The following RAPGEF4 variants were observed in gnomAD, a reference collection of about 807,000 sequenced individuals.
RAPGEF4 encodes RAP guanine-nucleotide-exchange factor (GEF) 4.
A neutral mutation model predicts 147.9 loss-of-function variants in RAPGEF4; 66 were observed. That is an observed-to-expected ratio of 0.45 (90% CI 0.37 to 0.55). RAPGEF4 has a LOEUF of 0.55. RAPGEF4 is among the 20% of genes least tolerant of loss of function. The pLI, the probability that RAPGEF4 is intolerant of heterozygous loss-of-function variation, is 0.00. For missense variants in RAPGEF4, 1,071 were observed against 1,257.3 expected (o/e 0.85, Z 2.24); for synonymous variants, 419 against 442.7 (o/e 0.95, Z 0.67).
intron 4 of RAPGEF4, among the ~76,000 whole-genome samples, chr2:172,822,435 A>G (rs552161710): frequency 6.6e-6 from 1 of 152,290 alleles, no homozygotes; most frequent in East Asian, 1.9e-4. Flanking sequence ...TAGCTCTCAG[A>G]CTCAATGAAG....
At chr2:173,037,482 A>G (rs989530957) in intron 29 of RAPGEF4, among the ~76,000 whole-genome samples, 2 of 152,208 alleles carry the variant, frequency 1.3e-5, no homozygotes, top group African/African-American at 4.8e-5. Flanking sequence ...GGGGGAAAGC[A>G]AGGTTATCTG....
rs10678095 is a variant in RAPGEF4, at chr2:172,902,295, CTTTATTTA to C, written c.445-15487_445-15480del. ...TGGAGCCCATGTCTGCCTGGATCTTCTTTATTTATTTATTTATTTATTTATTTGAGACA... is the reference window on the plus strand; with the variant it reads ...TGGAGCCCATGTCTGCCTGGATCTTCTTTATTTATTTATTTATTTGAGACA... On this transcript the variant is annotated intron_variant, in intron 4 of 30. Coordinates refer to ENST00000397081, the MANE Select transcript of RAPGEF4 (RefSeq NM_007023.4). 5.7e-4 allele frequency among the ~76,000 whole-genome samples: 84 copies of C among 148,442 alleles called. 1 individual carries two copies. The East Asian group carries it at 0.012, about 21-fold the overall frequency.
rs745492758 is a variant in RAPGEF4, at chr2:173,033,972, A to G, written c.2700+8A>G. 2 of 1,609,784 alleles carry G rather than the reference A, an allele frequency of 1.2e-6. No homozygotes were observed. The highest frequency in any genetic ancestry group is 1.7e-6 in the Non-Finnish European group (2 of 1,178,166). On this transcript the variant is annotated splice_region_variant and intron_variant, in intron 27 of 30. Transcript: ENST00000397081. The stretch of plus-strand genomic sequence containing the variant: ...GAGTTTGAAAGTTTAATGGTAAGTG[A>G]CAGTGGCTTCTTTATTCTGTTCACT...
chr2:172,939,000 T>A (rs1239078336), intron 6 of RAPGEF4, among the ~76,000 whole-genome samples: 1 of 152,252 alleles, frequency 6.6e-6, no homozygotes, highest in Non-Finnish European at 1.5e-5. Flanking sequence ...GATAGTTTAT[T>A]TCCTTTATCA....
rs1310723828 is a variant in RAPGEF4, at chr2:172,751,181, T to C, written c.65+15133T>C. Among the ~76,000 whole-genome samples, 3 of 152,234 alleles carry C rather than the reference T, an allele frequency of 2.0e-5. No individual in the cohort carries two copies. In the South Asian group the frequency reaches 6.2e-4, roughly 31 times the overall value. ...GTGTTGTAGGAAAAGGATCTGATTG[T>C]AGTAATTTACTTTCCTACTGTCATT... On this transcript the variant is annotated intron_variant, in intron 1 of 30. Coordinates refer to ENST00000397081, the MANE Select transcript of RAPGEF4 (RefSeq NM_007023.4).
intron 1 of RAPGEF4, among the ~76,000 whole-genome samples, chr2:172,765,093 G>A (rs1250106969): frequency 6.6e-6 from 1 of 152,226 alleles, no homozygotes; most frequent in Non-Finnish European, 1.5e-5. Flanking sequence ...CCTAGCCTCT[G>A]ATGGTTGCTT....
chr2:172,801,573 C>G (rs1395739661), intron 3 of RAPGEF4, among the ~76,000 whole-genome samples: 1 of 152,134 alleles, frequency 6.6e-6, no homozygotes, highest in African/African-American at 2.4e-5. Context: ...ATCCCACCAG[C>G]ACTCACCACA....
intron 4 of RAPGEF4, chr2:172,917,515 G>C (rs759881800): frequency 6.2e-6 from 4 of 642,750 alleles, no homozygotes; most frequent in Non-Finnish European, 1.2e-5. Context: ...AGGGGTGCAG[G>C]GGGTGCTAAA....
At position 172,844,183 on chromosome 2, in the gene RAPGEF4, G is replaced by A. The variant is rs143253384; in HGVS notation, c.444+29758G>A. Among the ~76,000 whole-genome samples the A allele has an allele frequency of 7.4e-4, 113 of 152,260 alleles. 1 individual carries two copies. The highest frequency in any genetic ancestry group is 2.6e-3 in the African/African-American group (108 of 41,556). The stretch of plus-strand genomic sequence containing the variant: ...GTACTCTGTCCGTGTCCAGACTTGG[G>A]GACTTGGAACAAGCACAATCTCCCA... On this transcript the variant is annotated intron_variant, in intron 4 of 30. Coordinates refer to ENST00000397081, the MANE Select transcript of RAPGEF4 (RefSeq NM_007023.4).
At position 173,009,419 on chromosome 2, in the gene RAPGEF4, G is replaced by A. The variant is rs1380967526; in HGVS notation, c.1659-5045G>A. 7.9e-5 allele frequency among the ~76,000 whole-genome samples: 12 copies of A among 152,268 alleles called. No individual in the cohort carries two copies. In the East Asian group the frequency reaches 2.3e-3, roughly 29 times the overall value. ...GTGCAGGAATTAACAGTGAGTTTAC[G>A]ACCTCGTTCCTTCTGTTAAGGATTT... On this transcript the variant is annotated intron_variant, in intron 17 of 30. Transcript: ENST00000397081.
At chr2:172,828,535 T>G (rs1456561582) in intron 4 of RAPGEF4, among the ~76,000 whole-genome samples, 1 of 152,188 alleles carries the variant, frequency 6.6e-6, no homozygotes, top group East Asian at 1.9e-4. Context: ...CTCCTAGCTG[T>G]GTGCTTGCTT....
intron 1 of RAPGEF4, among the ~76,000 whole-genome samples, chr2:172,760,186 C>G (rs1696170381): frequency 6.6e-6 from 1 of 152,180 alleles, no homozygotes; most frequent in African/African-American, 2.4e-5. Flanking sequence ...CCCCCATCAG[C>G]AAAGACCAAA....
intron 8 of RAPGEF4, 91 bp downstream of exon 8, chr2:172,961,319 G>A: frequency 1.9e-6 from 2 of 1,049,418 alleles, no homozygotes; most frequent in Non-Finnish European, 2.9e-6. Context: ...TTCCATGTGG[G>A]CGCAGCCCAT....
Position 173,045,914 on chromosome 2 carries a change from A to G in RAPGEF4, c.2854-2686A>G, listed in dbSNP as rs575714056. Among the ~76,000 whole-genome samples, 14 of 152,332 alleles carry G rather than the reference A, an allele frequency of 9.2e-5. No homozygotes were observed. The South Asian group carries it at 2.9e-3, about 32-fold the overall frequency. On this transcript the variant is annotated intron_variant, in intron 29 of 30. Transcript: ENST00000397081. ...AGGAGAGTGCCTTGTAGTTGGGTGTAGTTGTCAGTAACTGCTTAATATTAC... is the reference window on the plus strand; with the variant it reads ...AGGAGAGTGCCTTGTAGTTGGGTGTGGTTGTCAGTAACTGCTTAATATTAC...
At chr2:172,848,923 A>G (rs1417039586) in intron 4 of RAPGEF4, among the ~76,000 whole-genome samples, 1 of 152,206 alleles carries the variant, frequency 6.6e-6, no homozygotes, top group South Asian at 2.1e-4. Flanking sequence ...GTGAAAAAAA[A>G]GGTGATGTTG....
intron 8 of RAPGEF4, 113 bp from the exon 9 acceptor site, chr2:172,965,449 T>C (rs1689726515): frequency 8.0e-7 from 1 of 1,249,822 alleles, no homozygotes; most frequent in Admixed American, 1.8e-5. Flanking sequence ...ATGAGACCTC[T>C]TCTGGTAGGA....
At chr2:172,800,604 C>G (rs1574879436) in intron 3 of RAPGEF4, among the ~76,000 whole-genome samples, 1 of 152,132 alleles carries the variant, frequency 6.6e-6, no homozygotes, top group Non-Finnish European at 1.5e-5. Flanking sequence ...TTTTTAGGAA[C>G]TGGCTCACAT....
intron 10 of RAPGEF4, among the ~76,000 whole-genome samples, chr2:172,980,541 TG>T (rs1553540977): frequency 6.6e-6 from 1 of 151,820 alleles, no homozygotes. Flanking sequence ...GGGAGGAGCA[TG>T]GGGAGAGGAG....
In RAPGEF4 at chr2:173,030,216, A is replaced by G; in HGVS notation, c.2611A>G (p.Ser871Gly). The G allele has an allele frequency of 6.2e-7, 1 of 1,613,852 alleles. No individual in the cohort carries two copies. Among genetic ancestry groups the G allele is most frequent in the South Asian group, 1.1e-5 (1 of 91,080 alleles). ...CTTTTTTGCCATCGTCATGGGACTA[A>G]GTAACGTTGCTGTGAGCCGCTTGGC... Reference protein sequence around the residue: ...NSFFAIVMGLSNVAVSRLALT... With the variant: ...NSFFAIVMGLGNVAVSRLALT... Residue 871 changes from serine to glycine, a missense_variant, in exon 26 of 31, where the codon AGT (serine) becomes GGT (glycine). By Grantham distance (56) the Ser-to-Gly change is moderately conservative. Transcript: ENST00000397081.
Sources: gnomAD v4.1 joint callset for allele counts (sites outside exome capture counted in the v4.1 genomes callset) on GRCh38, gnomAD v4.1.1 for gene constraint, MANE v1.5 for transcripts, NCBI Gene and HGNC (gene_info 2026-07-23, HGNC 2026-07-21) for gene names.